Variants in FBXO42 observed in about 807,000 individuals in gnomAD.
FBXO42 encodes F-box protein 42.
A neutral mutation model predicts 71.7 loss-of-function variants in FBXO42; 12 were observed. The ratio of observed to expected loss-of-function variants is 0.17; its 90% CI spans 0.11 to 0.27. FBXO42 has a LOEUF of 0.27. FBXO42 is among the 10% of genes least tolerant of loss of function. The pLI, the probability that FBXO42 is intolerant of heterozygous loss-of-function variation, is 1.00. For missense variants in FBXO42, 707 were observed against 911.9 expected (o/e 0.78, Z 2.89); for synonymous variants, 325 against 327.5 (o/e 0.99, Z 0.08).
In FBXO42 at chr1:16,251,348, C is replaced by G. The variant is rs1557566519; in HGVS notation, c.1476G>C (p.Gln492His). The change falls in exon 10 of 10, where the codon CAG becomes CAC. Residue 492 changes from glutamine (Q) to histidine (H), a missense_variant. Transcript: ENST00000375592. The surrounding 1 kb of genome is among the most constrained non-coding windows in gnomAD (Gnocchi z 4.5). ...CTATGGATCCTAATCTCAGATCTTT[C>G]TGATCTGGTAGTGATCCTCGTCGGG... is the stretch of plus-strand genomic sequence containing the variant. ...LAPRRGSLPDQKDLRLGSIDL... is the reference protein window; with the variant it reads ...LAPRRGSLPDHKDLRLGSIDL... 6.2e-7 allele frequency: 1 copy of G among 1,614,074 alleles called. No homozygotes were observed. Among genetic ancestry groups the G allele is most frequent in the Admixed American group, 1.7e-5 (1 of 60,000 alleles).
intron 4 of FBXO42, among the ~76,000 whole-genome samples, chr1:16,269,595 G>A (rs1356780983): frequency 6.6e-6 from 1 of 151,334 alleles, no homozygotes; most frequent in Non-Finnish European, 1.5e-5. Context: ...GCGTGATCTC[G>A]GCTCACTGTA....
In FBXO42 at chr1:16,352,465, G is replaced by T; in HGVS notation, c.-228C>A. 2.5e-6 allele frequency: 1 copy of T among 397,464 alleles called. No homozygotes were observed. Among genetic ancestry groups the T allele is most frequent in the Non-Finnish European group, 4.4e-6 (1 of 225,320 alleles). 24.6% of individuals were successfully genotyped at this position (397,464 alleles called of 1,614,324 possible). On this transcript the variant is annotated 5_prime_UTR_variant, in exon 1 of 10. Transcript: ENST00000375592. Reference sequence around the variant, plus strand: ...GCCGCAGCTGCTGCTGCTCAGGCCGGGAGAAGACAGCGCAGAGCGCGCATG... The same window carrying T: ...GCCGCAGCTGCTGCTGCTCAGGCCGTGAGAAGACAGCGCAGAGCGCGCATG...
At position 16,283,964 on chromosome 1, in the gene FBXO42, T is replaced by TTTAATACAGTA. The variant is rs532928307; in HGVS notation, c.502+10818_502+10819insTACTGTATTAA. On this transcript the variant is annotated intron_variant, in intron 4 of 9. Coordinates refer to ENST00000375592, the MANE Select transcript of FBXO42 (RefSeq NM_018994.3). Reference sequence around the variant, plus strand: ...ACCGAAAAAGGCAGTATGACTTACGTTGACTCTGTATTAAACAGATGCCAA... The same window carrying TTTAATACAGTA: ...ACCGAAAAAGGCAGTATGACTTACGTTTAATACAGTATGACTCTGTATTAAACAGATGCCAA... Among the ~76,000 whole-genome samples, 710 of 152,322 alleles carry TTTAATACAGTA rather than the reference T, an allele frequency of 4.7e-3. 5 individuals carry two copies. The highest frequency in any genetic ancestry group is 0.031 in the Middle Eastern group (9 of 294).
chr1:16,299,257 C>T (rs1262504516), intron 3 of FBXO42, among the ~76,000 whole-genome samples: 2 of 152,030 alleles, frequency 1.3e-5, no homozygotes, highest in African/African-American at 2.4e-5. Flanking sequence ...GTGATCCGCC[C>T]GCCTCGGCCT....
rs1194931262 is a variant in FBXO42, at chr1:16,276,392, AAAAAG to A, written c.502+18386_502+18390del. 4.6e-5 allele frequency among the ~76,000 whole-genome samples: 7 copies of A among 151,540 alleles called. No homozygotes were observed. The East Asian group carries it at 5.8e-4, about 13-fold the overall frequency. The stretch of plus-strand genomic sequence containing the variant: ...GACACTCTGTCTCAAAAAAAAAAAA[AAAAAG>A]AAAAGAAAAGAAAAGAAAACTGGAG... On this transcript the variant is annotated intron_variant, in intron 4 of 9. Coordinates refer to ENST00000375592, the MANE Select transcript of FBXO42 (RefSeq NM_018994.3).
intron 4 of FBXO42, among the ~76,000 whole-genome samples, chr1:16,284,569 T>C (rs2082000899): frequency 2.0e-5 from 3 of 152,176 alleles, no homozygotes; most frequent in African/African-American, 2.4e-5. Context: ...TGGCAGCTCA[T>C]GCCCATAATC....
chr1:16,306,978 G>A (rs934320098), intron 2 of FBXO42, among the ~76,000 whole-genome samples: 5 of 151,860 alleles, frequency 3.3e-5, no homozygotes, highest in Non-Finnish European at 7.4e-5. Context: ...TGCAACCTCT[G>A]CCTCCCAGGT....
intron 1 of FBXO42, among the ~76,000 whole-genome samples, chr1:16,324,498 A>C (rs1043543925): frequency 2.6e-5 from 4 of 152,246 alleles, no homozygotes; most frequent in African/African-American, 7.2e-5. Flanking sequence ...GAAGGTTCAC[A>C]GACAAGCATT....
chr1:16,293,774 C>T (rs2082102561), intron 4 of FBXO42: 1 of 152,188 alleles, frequency 6.6e-6, no homozygotes, highest in Non-Finnish European at 1.5e-5. Context: ...GAAAGGGAAA[C>T]ATAAACTAGC....
At chr1:16,350,573 C>CAAAAAAAAAAAA (rs60358251) in intron 1 of FBXO42, among the ~76,000 whole-genome samples, 8 of 66,762 alleles carry the variant, frequency 1.2e-4, no homozygotes, top group East Asian at 8.3e-4. Flanking sequence ...ACTAAAATTA[C>CAAAAAAAAAAAA]AAAAAAAAAA....
intron 4 of FBXO42, among the ~76,000 whole-genome samples, chr1:16,280,917 G>T (rs541094157): frequency 6.6e-6 from 1 of 152,278 alleles, no homozygotes; most frequent in South Asian, 2.1e-4. Flanking sequence ...TAAATTACCA[G>T]GTGATTGTGA....
chr1:16,249,139 CCT>C lies in FBXO42; in HGVS notation c.*1529_*1530del, dbSNP rs2081564775. The C allele has an allele frequency of 6.6e-6, 1 of 152,164 alleles. No individual in the cohort carries two copies. Among genetic ancestry groups the C allele is most frequent in the South Asian group, 2.1e-4 (1 of 4,820 alleles). The allele number at this position is 152,164 out of a possible 1,614,324, so 9.4% of individuals were successfully genotyped here. A position where few individuals can be genotyped will look rare whatever the true frequency, so the allele number is the denominator to read the frequency against. ...AACAAAACAAAGGCAAAACAAAAATCCTCTTTCCACTGATGAGAAATCACCAA... is the reference window on the plus strand; with the variant it reads ...AACAAAACAAAGGCAAAACAAAAATCCTTTCCACTGATGAGAAATCACCAA... On this transcript the variant is annotated 3_prime_UTR_variant, in exon 10 of 10. Transcript: ENST00000375592.
At chr1:16,259,521 T>C (rs1229256694) in intron 4 of FBXO42, among the ~76,000 whole-genome samples, 1 of 152,114 alleles carries the variant, frequency 6.6e-6, no homozygotes, top group Non-Finnish European at 1.5e-5. Context: ...CCCAGCACTT[T>C]GGGAAGCCAA....
intron 1 of FBXO42, among the ~76,000 whole-genome samples, chr1:16,338,384 AAT>A (rs1489826105): frequency 6.6e-6 from 1 of 151,132 alleles, no homozygotes; most frequent in Non-Finnish European, 1.5e-5. Context: ...AAAGAATAAC[AAT>A]GTTGCATGAC....
At chr1:16,277,138 A>C (rs2100490705) in intron 4 of FBXO42, among the ~76,000 whole-genome samples, 1 of 152,352 alleles carries the variant, frequency 6.6e-6, no homozygotes, top group East Asian at 1.9e-4. Context: ...GAGATCAATC[A>C]CTCGTTTTTA....
chr1:16,278,842 A>C lies in FBXO42; in HGVS notation c.502+15941T>G, dbSNP rs114467563. Among the ~76,000 whole-genome samples the C allele has an allele frequency of 5.3e-3, 806 of 151,966 alleles. 7 individuals are homozygous for C. The highest frequency in any genetic ancestry group is 0.018 in the African/African-American group (756 of 41,446). ...GCTGGAGGCTGGAATGTAATGGCGCAATCTTGGCTCACCACAACCTCCGCC... is the reference window on the plus strand; with the variant it reads ...GCTGGAGGCTGGAATGTAATGGCGCCATCTTGGCTCACCACAACCTCCGCC... On this transcript the variant is annotated intron_variant, in intron 4 of 9. Coordinates refer to ENST00000375592, the MANE Select transcript of FBXO42 (RefSeq NM_018994.3).
At chr1:16,266,722 A>C (rs1282268901) in intron 4 of FBXO42, among the ~76,000 whole-genome samples, 1 of 152,196 alleles carries the variant, frequency 6.6e-6, no homozygotes, top group Non-Finnish European at 1.5e-5. Flanking sequence ...AGCTCTGACT[A>C]AGCATCTGGC....
At chr1:16,269,776 C>T (rs560041320) in intron 4 of FBXO42, among the ~76,000 whole-genome samples, 14 of 152,242 alleles carry the variant, frequency 9.2e-5, no homozygotes, top group South Asian at 6.2e-4. Context: ...CCGCCTACCT[C>T]GGCCTCCCAA....
Position 16,294,908 on chromosome 1 carries a change from T to C in FBXO42, c.377A>G (p.Tyr126Cys). 1 of 1,598,408 alleles carries C rather than the reference T, an allele frequency of 6.3e-7. No individual in the cohort carries two copies. Among genetic ancestry groups the C allele is most frequent in the Non-Finnish European group, 8.5e-7 (1 of 1,173,326 alleles). Residue 126 changes from tyrosine (Y) to cysteine (C), a missense_variant, in exon 4 of 10, where the codon TAT becomes TGT. This residue lies in a region of FBXO42 where 188 missense variants were observed against 230.5 expected (regional missense o/e 0.82). Coordinates refer to ENST00000375592, the MANE Select transcript of FBXO42 (RefSeq NM_018994.3). Reference sequence around the variant, plus strand: ...ATACATAGACTGATTAGCATCATAATAGCATGCACCTAGAAAGAAAATACA... The same window carrying C: ...ATACATAGACTGATTAGCATCATAACAGCATGCACCTAGAAAGAAAATACA... ...ITQRFSHSAC[Y>C]YDANQSMYVF...
Sources: allele counts gnomAD v4.1 joint callset (sites outside exome capture counted in the v4.1 genomes callset), GRCh38; gene constraint gnomAD v4.1.1; regional missense constraint gnomAD v4.1.1; non-coding constraint Gnocchi (gnomAD v3.1); transcripts MANE v1.5; gene names NCBI Gene and HGNC (gene_info 2026-07-23, HGNC 2026-07-21).